The following CTNNA2 variants were observed in gnomAD, a reference collection of about 807,000 sequenced individuals.
CTNNA2 encodes catenin alpha-2.
CTNNA2 carries 42 observed loss-of-function variants against 101.0 expected under a neutral mutation model. The ratio of observed to expected loss-of-function variants is 0.42; its 90% CI spans 0.32 to 0.54. CTNNA2 has a LOEUF of 0.54. CTNNA2 is among the 20% of genes least tolerant of loss of function. CTNNA2 has a pLI of 0.14. For missense variants in CTNNA2, 871 were observed against 1,223.1 expected (o/e 0.71, Z 4.29); for synonymous variants, 450 against 456.4 (o/e 0.99, Z 0.18).
chr2:80,157,995 A>G (rs1185882294), intron 7 of CTNNA2, among the ~76,000 whole-genome samples: 2 of 152,206 alleles, frequency 1.3e-5, no homozygotes, highest in Admixed American at 6.5e-5. Flanking sequence ...TGTATACTAT[A>G]TAGCTTGCTG....
intron 3 of CTNNA2, among the ~76,000 whole-genome samples, chr2:79,314,033 C>T (rs533214095): frequency 2.6e-5 from 4 of 152,196 alleles, no homozygotes; most frequent in African/African-American, 9.6e-5. Flanking sequence ...ATGGGGCATC[C>T]TTCTGTGCTG....
rs371903155 is a variant in CTNNA2, at chr2:80,175,511, A to G, written c.1057-217700A>G. On this transcript the variant is annotated intron_variant, in intron 7 of 18. Coordinates refer to ENST00000402739, the MANE Select transcript of CTNNA2 (RefSeq NM_001282597.3). ...CTTGCTGAAATTTACTCTCTCCTTCAACAAATATTTAGTGAGCACCTACAT... is the reference window on the plus strand; with the variant it reads ...CTTGCTGAAATTTACTCTCTCCTTCGACAAATATTTAGTGAGCACCTACAT... Among the ~76,000 whole-genome samples, 6 of 152,162 alleles carry G rather than the reference A, an allele frequency of 3.9e-5. No homozygotes were observed. In the East Asian group the frequency reaches 9.6e-4, roughly 24 times the overall value.
chr2:79,312,071 T>TA (rs397969522), intron 2 of CTNNA2, among the ~76,000 whole-genome samples: 12,993 of 145,896 alleles, frequency 0.089, 600 homozygotes, highest in African/African-American at 0.1. Context: ...CATGGCTGTT[T>TA]AAAAAAAAAA....
intron 18 of CTNNA2, among the ~76,000 whole-genome samples, chr2:80,625,609 T>C (rs1671602056): frequency 6.6e-6 from 1 of 152,114 alleles, no homozygotes; most frequent in Admixed American, 6.6e-5. Context: ...ACAGGGAATA[T>C]GTTTGAATGC....
At chr2:79,642,827 C>G (rs985491194) in intron 1 of CTNNA2, among the ~76,000 whole-genome samples, 2 of 151,180 alleles carry the variant, frequency 1.3e-5, no homozygotes, top group Non-Finnish European at 2.9e-5. Flanking sequence ...TACATACACA[C>G]AGATACTCTC....
At chr2:79,754,551 C>T (rs750445373) in intron 3 of CTNNA2, among the ~76,000 whole-genome samples, 5 of 152,106 alleles carry the variant, frequency 3.3e-5, no homozygotes, top group Admixed American at 6.5e-5. Context: ...ATGTTCTTCT[C>T]GCTCCTGCAG....
chr2:80,571,346 G>C (rs1161164170), intron 12 of CTNNA2, among the ~76,000 whole-genome samples: 2 of 152,050 alleles, frequency 1.3e-5, no homozygotes, highest in Non-Finnish European at 2.9e-5. Context: ...ATCATGTTGT[G>C]GGCCATGTGA....
intron 3 of CTNNA2, among the ~76,000 whole-genome samples, chr2:79,751,615 A>G (rs1221354446): frequency 1.4e-5 from 2 of 143,366 alleles, no homozygotes; most frequent in Non-Finnish European, 1.5e-5. Context: ...AAAAAAAAAA[A>G]GAAAGAAAGA....
chr2:79,930,203 A>G (rs932330720), intron 7 of CTNNA2, among the ~76,000 whole-genome samples: 5 of 151,166 alleles, frequency 3.3e-5, no homozygotes, highest in African/African-American at 1.2e-4. Context: ...AGATCATGCC[A>G]TTGCACTGTA....
chr2:79,200,496 CAG>C (rs1674020630), intron 2 of CTNNA2, among the ~76,000 whole-genome samples: 2 of 151,992 alleles, frequency 1.3e-5, no homozygotes, highest in Middle Eastern at 3.4e-3. Context: ...TAAGGAAAAA[CAG>C]AGATTTCTCC....
At chr2:79,459,931 C>T (rs1670862121) in intron 4 of CTNNA2, among the ~76,000 whole-genome samples, 3 of 152,034 alleles carry the variant, frequency 2.0e-5, no homozygotes, top group Admixed American at 2.0e-4. Flanking sequence ...ATGTATTTTC[C>T]TATTTGATTA....
At chr2:79,829,316 A>G (rs1678683789) in intron 3 of CTNNA2, among the ~76,000 whole-genome samples, 1 of 150,386 alleles carries the variant, frequency 6.6e-6, no homozygotes, top group Non-Finnish European at 1.5e-5. Flanking sequence ...CAGGAGTTGG[A>G]GACCAGCCTG....
intron 7 of CTNNA2, among the ~76,000 whole-genome samples, chr2:80,075,006 C>T (rs1270997939): frequency 6.6e-6 from 1 of 152,048 alleles, no homozygotes; most frequent in Admixed American, 6.6e-5. Context: ...GACCTTGATT[C>T]GTTTCTATTA....
At chr2:79,475,798 G>A (rs971287820) in intron 4 of CTNNA2, among the ~76,000 whole-genome samples, 3 of 151,854 alleles carry the variant, frequency 2.0e-5, no homozygotes, top group African/African-American at 7.3e-5. Context: ...ATGTTAACAG[G>A]CCACATTCTA....
chr2:79,588,504 C>G (rs1676638384), intron 1 of CTNNA2, among the ~76,000 whole-genome samples: 1 of 152,152 alleles, frequency 6.6e-6, no homozygotes, highest in Non-Finnish European at 1.5e-5. Context: ...TCCTATCAGT[C>G]TCAAATTTCT....
intron 8 of CTNNA2, among the ~76,000 whole-genome samples, chr2:80,396,161 AAG>A (rs1027436917): frequency 2.6e-5 from 4 of 152,218 alleles, no homozygotes; most frequent in Non-Finnish European, 5.9e-5. Flanking sequence ...ATTTTCAGGT[AAG>A]TAGAACTCCT....
chr2:80,362,725 ACTCT>A (rs1174419173), intron 7 of CTNNA2, among the ~76,000 whole-genome samples: 2 of 152,026 alleles, frequency 1.3e-5, no homozygotes, highest in Non-Finnish European at 2.9e-5. Context: ...TTGAACATTT[ACTCT>A]CTCTGCACGT....
At chr2:79,249,295 G>T (rs143101292) in intron 2 of CTNNA2, among the ~76,000 whole-genome samples, 1 of 151,996 alleles carries the variant, frequency 6.6e-6, no homozygotes, top group African/African-American at 2.4e-5. Context: ...AGTATCAGTC[G>T]CTATCATCTC....
intron 2 of CTNNA2, among the ~76,000 whole-genome samples, chr2:79,679,319 A>G (rs1232522452): frequency 6.6e-6 from 1 of 152,128 alleles, no homozygotes; most frequent in Non-Finnish European, 1.5e-5. Flanking sequence ...CAACTGGGAG[A>G]TATAACTAGA....
Sources: gnomAD v4.1 joint callset for allele counts (sites outside exome capture counted in the v4.1 genomes callset) on GRCh38, gnomAD v4.1.1 for gene constraint, MANE v1.5 for transcripts, NCBI Gene and HGNC (gene_info 2026-07-23, HGNC 2026-07-21) for gene names.